PPP1R14C: variants seen among roughly 807,000 people sequenced by gnomAD.
PPP1R14C encodes the protein protein phosphatase 1 regulatory subunit 14C.
Under a neutral mutation model 20.4 loss-of-function variants are expected in PPP1R14C, and 16 were observed. The ratio of observed to expected loss-of-function variants is 0.78; its 90% CI spans 0.53 to 1.19. The LOEUF (loss-of-function observed/expected upper bound fraction) is 1.19. Ranked by LOEUF, PPP1R14C falls within the 50% of genes most tolerant of loss-of-function variation. PPP1R14C has a pLI of 0.00. For synonymous variants in PPP1R14C, 91 were observed against 91.0 expected (o/e 1.00, Z 0.00); for missense variants, 211 against 220.1 (o/e 0.96, Z 0.26).
intron 3 of PPP1R14C, among the ~76,000 whole-genome samples, chr6:150,226,510 ATTACAAAATAGAACCTCC>A (rs1414198236): frequency 6.6e-6 from 1 of 152,030 alleles, no homozygotes; most frequent in Non-Finnish European, 1.5e-5. Context: ...CAATTTTGGG[ATTACAAAATAGAACCTCC>A]ATTGTACTGG....
At chr6:150,193,942 G>A (rs553913280) in intron 1 of PPP1R14C, among the ~76,000 whole-genome samples, 6 of 152,240 alleles carry the variant, frequency 3.9e-5, no homozygotes, top group East Asian at 1.9e-4. Context: ...TAATTCCTGC[G>A]TGTTGTGGGA....
chr6:150,237,199 C>T (rs1471110952), intron 3 of PPP1R14C, among the ~76,000 whole-genome samples: 1 of 151,966 alleles, frequency 6.6e-6, no homozygotes, highest in African/African-American at 2.4e-5. Context: ...GTCAGAGTAG[C>T]ATATTCTTTT....
At chr6:150,190,310 T>C (rs1777726400) in intron 1 of PPP1R14C, among the ~76,000 whole-genome samples, 1 of 152,020 alleles carries the variant, frequency 6.6e-6, no homozygotes, top group South Asian at 2.1e-4. Context: ...CAGCCCCTGA[T>C]CTTCAACCCC....
chr6:150,182,062 T>C (rs1409700107), intron 1 of PPP1R14C, among the ~76,000 whole-genome samples: 1 of 152,240 alleles, frequency 6.6e-6, no homozygotes, highest in African/African-American at 2.4e-5. Context: ...GTGTAAAGGA[T>C]ATTTAAAAGC....
chr6:150,169,927 G>T (rs1777478208), intron 1 of PPP1R14C, among the ~76,000 whole-genome samples: 1 of 152,210 alleles, frequency 6.6e-6, no homozygotes, highest in Admixed American at 6.5e-5. Context: ...GGGGCCATGG[G>T]CCATTGTGTC....
At position 150,195,802 on chromosome 6, in the gene PPP1R14C, G is replaced by A. The variant is rs796066103; in HGVS notation, c.307-18942G>A. ...GAACTTTCTCATCTTCCCAAACTGAGACACTGTGCCCATTCTTGATGGGTT... is the reference window on the plus strand; with the variant it reads ...GAACTTTCTCATCTTCCCAAACTGAAACACTGTGCCCATTCTTGATGGGTT... On this transcript the variant is annotated intron_variant, in intron 1 of 3. Coordinates refer to ENST00000361131, the MANE Select transcript of PPP1R14C (RefSeq NM_030949.3). 4.2e-5 allele frequency: 41 copies of A among 983,920 alleles called. No individual in the cohort carries two copies. In the African/African-American group the frequency reaches 6.8e-4, roughly 16 times the overall value. 60.9% of individuals were successfully genotyped at this position (983,920 alleles called of 1,614,324 possible).
intron 3 of PPP1R14C, among the ~76,000 whole-genome samples, chr6:150,234,421 G>T (rs1778329674): frequency 6.6e-6 from 1 of 151,814 alleles, no homozygotes; most frequent in African/African-American, 2.4e-5. Flanking sequence ...ACAAAAAAAA[G>T]ACCATAAAAT....
intron 3 of PPP1R14C, among the ~76,000 whole-genome samples, chr6:150,234,065 G>T (rs908556651): frequency 5.3e-5 from 8 of 152,304 alleles, no homozygotes; most frequent in African/African-American, 1.4e-4. Context: ...GGCTCTGTGG[G>T]GGAGTCTATT....
intron 3 of PPP1R14C, among the ~76,000 whole-genome samples, chr6:150,243,255 A>C (rs1341429302): frequency 2.0e-5 from 3 of 148,890 alleles, no homozygotes; most frequent in African/African-American, 7.5e-5. Context: ...GGCTCACTGC[A>C]ACCTCCGCCT....
intron 3 of PPP1R14C, among the ~76,000 whole-genome samples, chr6:150,225,205 C>T (rs111236145): frequency 2.0e-5 from 3 of 152,116 alleles, no homozygotes. Flanking sequence ...CGGTGTATTT[C>T]AAAATGGTTC....
chr6:150,243,989 C>T (rs1778463108), intron 3 of PPP1R14C, among the ~76,000 whole-genome samples: 1 of 152,102 alleles, frequency 6.6e-6, no homozygotes, highest in South Asian at 2.1e-4. Flanking sequence ...TGACAGAAAA[C>T]AGGTCAATTT....
At chr6:150,198,358 G>A (rs1399337115) in intron 1 of PPP1R14C, among the ~76,000 whole-genome samples, 1 of 152,166 alleles carries the variant, frequency 6.6e-6, no homozygotes, top group Non-Finnish European at 1.5e-5. Context: ...CCACGGTGGA[G>A]GAGGGCCTGG....
intron 1 of PPP1R14C, among the ~76,000 whole-genome samples, chr6:150,181,226 G>A (rs1347410861): frequency 6.6e-6 from 1 of 152,098 alleles, no homozygotes; most frequent in African/African-American, 2.4e-5. Flanking sequence ...CACCAGGCTG[G>A]AGTGCAGTGG....
intron 3 of PPP1R14C, among the ~76,000 whole-genome samples, chr6:150,223,603 G>A (rs909756725): frequency 3.9e-5 from 6 of 152,030 alleles, no homozygotes; most frequent in African/African-American, 1.2e-4. Flanking sequence ...CGTATGATTT[G>A]GAGAAACTTT....
intron 1 of PPP1R14C, among the ~76,000 whole-genome samples, chr6:150,206,318 A>G (rs1394299201): frequency 1.3e-5 from 2 of 152,032 alleles, no homozygotes; most frequent in African/African-American, 4.8e-5. Context: ...GTCTTCCCCC[A>G]TTAGAGTTTA....
Position 150,235,593 on chromosome 6 carries a change from A to G in PPP1R14C, c.424-13153A>G, listed in dbSNP as rs138789086. Among the ~76,000 whole-genome samples the G allele has an allele frequency of 1.1e-3, 164 of 152,362 alleles. 1 individual carries two copies. Among genetic ancestry groups the G allele is most frequent in the African/African-American group, 3.6e-3 (148 of 41,594 alleles). ...CTGGCTGGGGGCACTGGACGTGCCA[A>G]TGAGGAGAGTCTTGATGATTCTGAG... is the stretch of plus-strand genomic sequence containing the variant. On this transcript the variant is annotated intron_variant, in intron 3 of 3. Transcript: ENST00000361131.
At chr6:150,237,252 G>A (rs913993810) in intron 3 of PPP1R14C, among the ~76,000 whole-genome samples, 3 of 152,092 alleles carry the variant, frequency 2.0e-5, no homozygotes, top group Non-Finnish European at 2.9e-5. Flanking sequence ...TACCCAGGCT[G>A]GAGTGCAATG....
rs1777667254 is a variant in PPP1R14C at position 150,185,505 on chromosome 6, G to A, written c.307-29239G>A. Among the ~76,000 whole-genome samples the A allele has an allele frequency of 6.6e-6, 1 of 152,144 alleles. No individual in the cohort carries two copies. Among genetic ancestry groups the A allele is most frequent in the Non-Finnish European group, 1.5e-5 (1 of 68,018 alleles). ...ATTCCTAGCACTGAGCATAGAGTCT[G>A]ACAGATGATGTGTGTGATTGGAAGA... On this transcript the variant is annotated intron_variant, in intron 1 of 3. Transcript: ENST00000361131. The surrounding 1 kb of genome is among the most constrained non-coding windows in gnomAD (Gnocchi z 4.1).
At chr6:150,222,146 A>C (rs1329635800) in intron 3 of PPP1R14C, among the ~76,000 whole-genome samples, 1 of 124,220 alleles carries the variant, frequency 8.1e-6, no homozygotes, top group African/African-American at 4.2e-5. Flanking sequence ...ATAATGGCTA[A>C]AAGATCACTA....
Sources: gnomAD v4.1 joint callset for allele counts (sites outside exome capture counted in the v4.1 genomes callset) on GRCh38, gnomAD v4.1.1 for gene constraint, Gnocchi (gnomAD v3.1) non-coding constraint, MANE v1.5 for transcripts, NCBI Gene and HGNC (gene_info 2026-07-23, HGNC 2026-07-21) for gene names.